Variants in KCNH7 observed in about 807,000 individuals in gnomAD.
KCNH7 encodes the protein voltage-gated inwardly rectifying potassium channel KCNH7.
A neutral mutation model predicts 120.8 loss-of-function variants in KCNH7; 49 were observed. That is an observed-to-expected ratio of 0.41 (90% CI 0.32 to 0.51). The LOEUF is 0.51. Ranked by LOEUF, KCNH7 falls within the 20% of genes least tolerant of loss-of-function variation. The probability of loss-of-function intolerance (pLI) is 0.38; values close to 1 mark genes in which losing one functional copy is unlikely to be tolerated. For missense variants in KCNH7, 1,097 were observed against 1,446.6 expected, an observed-to-expected ratio of 0.76 and a Z score of 3.92; for synonymous variants, 547 against 516.1, an observed-to-expected ratio of 1.06 and a Z score of -0.81.
At chr2:162,563,274 T>A (rs1361314535) in intron 2 of KCNH7, among the ~76,000 whole-genome samples, 2 of 152,184 alleles carry the variant, frequency 1.3e-5, no homozygotes, top group Non-Finnish European at 2.9e-5. Flanking sequence ...TATAATGGCT[T>A]ATACAAGAGC....
chr2:162,504,948 C>A (rs1454108385), intron 5 of KCNH7, among the ~76,000 whole-genome samples: 1 of 151,968 alleles, frequency 6.6e-6, no homozygotes, highest in African/African-American at 2.4e-5. Flanking sequence ...GAAAAAACTA[C>A]ACTCTCTGTT....
intron 13 of KCNH7, among the ~76,000 whole-genome samples, chr2:162,383,242 T>C (rs1375930010): frequency 6.6e-6 from 1 of 152,002 alleles, no homozygotes; most frequent in Non-Finnish European, 1.5e-5. Context: ...CAGAGATGGT[T>C]CAGCAAGCTC....
At chr2:162,492,892 T>G (rs1690365353) in intron 6 of KCNH7, among the ~76,000 whole-genome samples, 1 of 118,446 alleles carries the variant, frequency 8.4e-6, no homozygotes, top group Non-Finnish European at 1.7e-5. Flanking sequence ...TTTTTTTTTT[T>G]GGAAAAGGTT....
At chr2:162,461,468 A>AT (rs1165150248) in intron 6 of KCNH7, among the ~76,000 whole-genome samples, 4 of 152,214 alleles carry the variant, frequency 2.6e-5, no homozygotes, top group Admixed American at 6.5e-5. Flanking sequence ...ATAATAATAC[A>AT]TTTTTAGGGA....
chr2:162,833,221 C>T (rs1685539470), intron 2 of KCNH7, among the ~76,000 whole-genome samples: 1 of 152,034 alleles, frequency 6.6e-6, no homozygotes, highest in Non-Finnish European at 1.5e-5. Context: ...AACTAGCTAG[C>T]TCTCTTCCGT....
intron 6 of KCNH7, among the ~76,000 whole-genome samples, chr2:162,459,913 G>A (rs1410542022): frequency 6.6e-6 from 1 of 151,934 alleles, no homozygotes; most frequent in Non-Finnish European, 1.5e-5. Context: ...GGCCAACATG[G>A]TGAAACCCCA....
At chr2:162,470,753 G>C (rs777690497) in intron 6 of KCNH7, among the ~76,000 whole-genome samples, 2 of 152,220 alleles carry the variant, frequency 1.3e-5, no homozygotes, top group Non-Finnish European at 2.9e-5. Context: ...TGTACCCAAC[G>C]GCTCATTGAG....
intron 2 of KCNH7, among the ~76,000 whole-genome samples, chr2:162,807,590 A>G (rs886799587): frequency 1.3e-5 from 2 of 152,180 alleles, no homozygotes; most frequent in South Asian, 2.1e-4. Flanking sequence ...AAAAATAATG[A>G]CATGAAGTGG....
At chr2:162,635,883 T>C (rs1683939201) in intron 2 of KCNH7, among the ~76,000 whole-genome samples, 1 of 152,028 alleles carries the variant, frequency 6.6e-6, no homozygotes, top group South Asian at 2.1e-4. Flanking sequence ...CCAGAGGGAT[T>C]TTTGGAAACA....
chr2:162,667,205 G>A (rs1685165681), intron 2 of KCNH7, among the ~76,000 whole-genome samples: 1 of 151,696 alleles, frequency 6.6e-6, no homozygotes, highest in African/African-American at 2.4e-5. Flanking sequence ...ATTTTTCATA[G>A]AGATAGGGTC....
chr2:162,758,443 A>G (rs1405741967), intron 2 of KCNH7, among the ~76,000 whole-genome samples: 1 of 152,164 alleles, frequency 6.6e-6, no homozygotes, highest in Non-Finnish European at 1.5e-5. Context: ...ACATACACAC[A>G]TATATTGTTT....
chr2:162,709,033 G>A (rs1375481762), intron 2 of KCNH7, among the ~76,000 whole-genome samples: 3 of 152,088 alleles, frequency 2.0e-5, no homozygotes, highest in African/African-American at 7.2e-5. Context: ...ATGGAGAGAA[G>A]TGGGGCAGTA....
chr2:162,580,489 C>A (rs534550408), intron 2 of KCNH7, among the ~76,000 whole-genome samples: 1 of 152,170 alleles, frequency 6.6e-6, no homozygotes, highest in South Asian at 2.1e-4. Context: ...CAAAATTACC[C>A]TATTCCACTC....
chr2:162,567,598 T>C (rs771272601), intron 2 of KCNH7, among the ~76,000 whole-genome samples: 1 of 152,048 alleles, frequency 6.6e-6, no homozygotes, highest in Non-Finnish European at 1.5e-5. Flanking sequence ...ATGTTTTGTA[T>C]ATTGATTTGT....
chr2:162,547,125 G>A (rs1168773196), intron 2 of KCNH7, among the ~76,000 whole-genome samples: 1 of 152,134 alleles, frequency 6.6e-6, no homozygotes. Flanking sequence ...GAGACAGCGC[G>A]TGTGTCAGCG....
intron 2 of KCNH7, among the ~76,000 whole-genome samples, chr2:162,600,950 T>C (rs1040071994): frequency 1.3e-5 from 2 of 152,066 alleles, no homozygotes; most frequent in Admixed American, 1.3e-4. Flanking sequence ...ATGTCTCCCA[T>C]GGGGAGAAAA....
intron 2 of KCNH7, among the ~76,000 whole-genome samples, chr2:162,557,483 TC>T (rs1692898307): frequency 6.6e-6 from 1 of 152,278 alleles, no homozygotes; most frequent in Admixed American, 6.5e-5. Flanking sequence ...GAAACAGATT[TC>T]CCTTCTTGAT....
intron 2 of KCNH7, chr2:162,784,670 A>G (rs1683634819): frequency 6.6e-6 from 1 of 152,144 alleles, no homozygotes; most frequent in African/African-American, 2.4e-5. Flanking sequence ...ATTTGGACAA[A>G]TGTCTCTCTG....
At chr2:162,493,384 C>T (rs1169508472) in intron 6 of KCNH7, among the ~76,000 whole-genome samples, 1 of 152,022 alleles carries the variant, frequency 6.6e-6, no homozygotes, top group East Asian at 1.9e-4. Flanking sequence ...GCTATAATGC[C>T]TTTTAGTTCA....
Sources: allele counts gnomAD v4.1 joint callset (sites outside exome capture counted in the v4.1 genomes callset), GRCh38; gene constraint gnomAD v4.1.1; transcripts MANE v1.5; gene names NCBI Gene and HGNC (gene_info 2026-07-23, HGNC 2026-07-21).